B3GALT1: variants seen among roughly 807,000 people sequenced by gnomAD.
B3GALT1 encodes UDP-Gal:betaGlcNAc beta 1,3-galactosyltransferase, polypeptide 1.
Under a neutral mutation model 23.2 loss-of-function variants are expected in B3GALT1, and 10 were observed. The observed-to-expected ratio is 0.43, with a 90% CI of 0.27 to 0.73. The LOEUF (loss-of-function observed/expected upper bound fraction) is 0.73. Ranked by LOEUF, B3GALT1 falls within the 30% of genes least tolerant of loss-of-function variation. B3GALT1 has a pLI of 0.21. For synonymous variants in B3GALT1, 156 were observed against 141.5 expected, an observed-to-expected ratio of 1.10 and a Z score of -0.73; for missense variants, 299 against 405.4, an observed-to-expected ratio of 0.74 and a Z score of 2.25.
intron 1 of B3GALT1, among the ~76,000 whole-genome samples, chr2:167,446,595 T>C (rs1698998379): frequency 6.6e-6 from 1 of 152,206 alleles, no homozygotes; most frequent in African/African-American, 2.4e-5. Flanking sequence ...ACTTCTCTTC[T>C]TGCTTCATTT....
At chr2:167,364,080 C>T (rs1697545212) in intron 1 of B3GALT1, among the ~76,000 whole-genome samples, 1 of 144,828 alleles carries the variant, frequency 6.9e-6, no homozygotes, top group African/African-American at 2.5e-5. Context: ...AGGAGAATTG[C>T]TTGAACCCAG....
chr2:167,364,196 GA>G (rs1339499813), intron 1 of B3GALT1, among the ~76,000 whole-genome samples: 1 of 132,842 alleles, frequency 7.5e-6, no homozygotes, highest in Non-Finnish European at 1.6e-5. Flanking sequence ...AGGAAGAAAA[GA>G]AAACTCCACT....
At chr2:167,859,783 A>T (rs1377837112) in intron 4 of B3GALT1, among the ~76,000 whole-genome samples, 1 of 152,200 alleles carries the variant, frequency 6.6e-6, no homozygotes, top group African/African-American at 2.4e-5. Flanking sequence ...TTTAAAAGGA[A>T]CAAATTAGCT....
At chr2:167,341,526 G>A (rs1697146366) in intron 1 of B3GALT1, among the ~76,000 whole-genome samples, 1 of 152,112 alleles carries the variant, frequency 6.6e-6, no homozygotes, top group African/African-American at 2.4e-5. Context: ...GCCAGGTATA[G>A]TGGCTTGCAC....
At chr2:167,673,922 T>A (rs1686379136) in intron 3 of B3GALT1, among the ~76,000 whole-genome samples, 1 of 152,076 alleles carries the variant, frequency 6.6e-6, no homozygotes, top group Non-Finnish European at 1.5e-5. Context: ...TAATCACTAA[T>A]TATTGTAACA....
At chr2:167,373,129 A>G (rs1167310861) in intron 1 of B3GALT1, among the ~76,000 whole-genome samples, 2 of 152,174 alleles carry the variant, frequency 1.3e-5, no homozygotes, top group Non-Finnish European at 2.9e-5. Context: ...GAAAAAGAAC[A>G]TATTTTCAAG....
chr2:167,361,358 G>A (rs918005731), intron 1 of B3GALT1, among the ~76,000 whole-genome samples: 5 of 151,692 alleles, frequency 3.3e-5, no homozygotes, highest in African/African-American at 7.3e-5. Flanking sequence ...ATGACCAGTC[G>A]TATCGTAAGA....
intron 3 of B3GALT1, among the ~76,000 whole-genome samples, chr2:167,703,826 A>G (rs185053952): frequency 1.1e-4 from 17 of 152,264 alleles, no homozygotes; most frequent in African/African-American, 3.8e-4. Flanking sequence ...ACTGAACCCT[A>G]AAAGACTCCT....
At chr2:167,583,438 T>TA (rs370592817) in intron 2 of B3GALT1, among the ~76,000 whole-genome samples, 25 of 152,302 alleles carry the variant, frequency 1.6e-4, no homozygotes, top group Non-Finnish European at 2.8e-4. Flanking sequence ...CCCTTTTTTT[T>TA]ACCTGCTTCT....
chr2:167,698,619 A>G (rs963719689), intron 3 of B3GALT1, among the ~76,000 whole-genome samples: 1 of 152,204 alleles, frequency 6.6e-6, no homozygotes. Flanking sequence ...AGAAAATGAG[A>G]TAGACTTACT....
intron 1 of B3GALT1, among the ~76,000 whole-genome samples, chr2:167,376,410 A>T (rs2105273080): frequency 6.6e-6 from 1 of 152,236 alleles, no homozygotes; most frequent in African/African-American, 2.4e-5. Flanking sequence ...TAGTTTCTGT[A>T]GAATTGGTAC....
intron 3 of B3GALT1, among the ~76,000 whole-genome samples, chr2:167,697,014 A>G (rs1050205195): frequency 6.6e-6 from 1 of 152,186 alleles, no homozygotes; most frequent in Admixed American, 6.5e-5. Flanking sequence ...TAAGAGTTTA[A>G]TAATCTTGAG....
intron 1 of B3GALT1, among the ~76,000 whole-genome samples, chr2:167,319,800 T>A (rs1236863894): frequency 6.6e-6 from 1 of 152,132 alleles, no homozygotes; most frequent in Non-Finnish European, 1.5e-5. Context: ...CTCTAAGTGT[T>A]TACTGCATGC....
intron 1 of B3GALT1, among the ~76,000 whole-genome samples, chr2:167,312,230 G>C (rs974529380): frequency 3.9e-5 from 6 of 151,940 alleles, no homozygotes; most frequent in African/African-American, 1.4e-4. Context: ...AGCAAAGAAG[G>C]TGGTAAATGT....
intron 1 of B3GALT1, among the ~76,000 whole-genome samples, chr2:167,303,682 C>CACACAGAGAGAGAG (rs535369991): frequency 6.7e-6 from 1 of 148,724 alleles, no homozygotes; most frequent in Non-Finnish European, 1.5e-5. Context: ...CACACACACA[C>CACACAGAGAGAGAG]AGAGAGAGAC....
chr2:167,408,574 C>T (rs1294184547), intron 1 of B3GALT1, among the ~76,000 whole-genome samples: 1 of 151,750 alleles, frequency 6.6e-6, no homozygotes, highest in East Asian at 1.9e-4. Context: ...GAAGTTAAAC[C>T]TAGAAAAACC....
chr2:167,819,795 CCT>C (rs1179853045), intron 4 of B3GALT1, among the ~76,000 whole-genome samples: 2 of 152,160 alleles, frequency 1.3e-5, no homozygotes, highest in African/African-American at 4.8e-5. Flanking sequence ...TCACCAAATG[CCT>C]CTCTCCTGGT....
At chr2:167,537,704 C>T (rs901986469) in intron 2 of B3GALT1, among the ~76,000 whole-genome samples, 7 of 152,124 alleles carry the variant, frequency 4.6e-5, no homozygotes, top group Admixed American at 1.3e-4. Context: ...TCCACTCCGC[C>T]TATCTAAACC....
chr2:167,730,227 A>G (rs2105264833), intron 3 of B3GALT1, among the ~76,000 whole-genome samples: 1 of 152,196 alleles, frequency 6.6e-6, no homozygotes, highest in Non-Finnish European at 1.5e-5. Flanking sequence ...TCCTTTCCAC[A>G]CATACAGCAA....
Sources: allele counts gnomAD v4.1 joint callset (sites outside exome capture counted in the v4.1 genomes callset), GRCh38; gene constraint gnomAD v4.1.1; transcripts MANE v1.5; gene names NCBI Gene and HGNC (gene_info 2026-07-23, HGNC 2026-07-21).